Variants in ANO10 observed in about 807,000 individuals in gnomAD.
The protein encoded by ANO10 is anoctamin 10.
ANO10 carries 77 observed loss-of-function variants against 74.7 expected under a neutral mutation model. That is an observed-to-expected ratio of 1.03 (90% CI 0.86 to 1.25). The LOEUF (loss-of-function observed/expected upper bound fraction) is 1.25. Among genes scored for constraint, ANO10 ranks in the 50% most tolerant of loss-of-function variants. The pLI is 0.00. For synonymous variants in ANO10, 279 were observed against 284.9 expected (o/e 0.98, Z 0.21); for missense variants, 721 against 778.1 (o/e 0.93, Z 0.87).
chr3:43,384,323 G>A (rs1215716088), intron 12 of ANO10, among the ~76,000 whole-genome samples: 1 of 152,150 alleles, frequency 6.6e-6, no homozygotes, highest in African/African-American at 2.4e-5. Flanking sequence ...TGGATGGGTA[G>A]AATCAATATT....
intron 11 of ANO10, among the ~76,000 whole-genome samples, chr3:43,513,106 C>A (rs1344334507): frequency 1.3e-5 from 2 of 152,302 alleles, no homozygotes; most frequent in East Asian, 1.9e-4. Context: ...AGAGGTCTTA[C>A]CAGCACACGT....
At chr3:43,622,281 G>C (rs1431040313), upstream of ANO10, among the ~76,000 whole-genome samples, 1 of 152,224 alleles carries the variant, frequency 6.6e-6, no homozygotes. Context: ...GGAGGGGCGT[G>C]CCTAACGTAC....
intron 11 of ANO10, among the ~76,000 whole-genome samples, chr3:43,511,673 T>C (rs2077513382): frequency 6.6e-6 from 1 of 152,174 alleles, no homozygotes; most frequent in South Asian, 2.1e-4. Context: ...CTGGCCCTGC[T>C]ACCTAAGAGG....
At chr3:43,460,853 G>C (rs1359041208) in intron 11 of ANO10, among the ~76,000 whole-genome samples, 1 of 151,992 alleles carries the variant, frequency 6.6e-6, no homozygotes, top group Non-Finnish European at 1.5e-5. Context: ...AACAAGAGCA[G>C]ACACTCACAG....
intron 1 of ANO10, among the ~76,000 whole-genome samples, chr3:43,615,599 T>C (rs1559785165): frequency 6.6e-6 from 1 of 152,086 alleles, no homozygotes; most frequent in Admixed American, 6.5e-5. Context: ...AAATGTAAAA[T>C]ACACACTTCA....
At chr3:43,680,047 A>G (rs1348918111) in intron 1 of ANO10, among the ~76,000 whole-genome samples, 1 of 152,236 alleles carries the variant, frequency 6.6e-6, no homozygotes, top group East Asian at 1.9e-4. Context: ...CTCCAAAGGA[A>G]CACAGCTCCT....
rs1487334142 is a variant in ANO10 at position 43,441,403 on chromosome 3, TG to T, written c.1798-8677del. 2.0e-5 allele frequency among the ~76,000 whole-genome samples: 3 copies of T among 151,992 alleles called. No individual in the cohort carries two copies. In the East Asian group the frequency reaches 5.8e-4, roughly 29 times the overall value. On this transcript the variant is annotated intron_variant, in intron 11 of 12. Transcript: ENST00000292246. ...TAAGAACAATTATACACCAATAAAC[TG>T]GATAAACTAGAAATAAATGAATTCC...
intron 1 of ANO10, among the ~76,000 whole-genome samples, chr3:43,632,255 T>C (rs759664950): frequency 6.6e-6 from 1 of 152,208 alleles, no homozygotes; most frequent in Non-Finnish European, 1.5e-5. Flanking sequence ...GGCTGGCCTC[T>C]ATGGATGTGT....
At chr3:43,542,784 T>C (rs1216124612) in intron 11 of ANO10, among the ~76,000 whole-genome samples, 1 of 152,238 alleles carries the variant, frequency 6.6e-6, no homozygotes, top group Non-Finnish European at 1.5e-5. Context: ...AGTTTCATTC[T>C]GATACTAAGC....
At position 43,366,712 on chromosome 3, in the gene ANO10, A is replaced by C; in HGVS notation, c.*194T>G. 2 of 639,224 alleles carry C rather than the reference A, an allele frequency of 3.1e-6. No individual in the cohort carries two copies. Among genetic ancestry groups the C allele is most frequent in the Non-Finnish European group, 2.8e-6 (1 of 354,398 alleles). 39.6% of individuals were successfully genotyped at this position (639,224 alleles called of 1,614,324 possible). On this transcript the variant is annotated 3_prime_UTR_variant, in exon 13 of 13. Transcript: ENST00000292246. ...GAGCAGACAGGGTGGGGCTGGGGGA[A>C]CTGCCAAGGATCCCGAGCCAAGCCA...
chr3:43,625,827 G>A (rs1252496174), upstream of ANO10, among the ~76,000 whole-genome samples: 2 of 151,790 alleles, frequency 1.3e-5, no homozygotes, highest in Non-Finnish European at 2.9e-5. Flanking sequence ...TTTATTGGCC[G>A]TGAAAACTTC....
At chr3:43,488,818 G>A (rs1401093509) in intron 11 of ANO10, among the ~76,000 whole-genome samples, 1 of 152,108 alleles carries the variant, frequency 6.6e-6, no homozygotes, top group South Asian at 2.1e-4. Context: ...TCCCATTACT[G>A]GGTATATACC....
intron 1 of ANO10, among the ~76,000 whole-genome samples, chr3:43,650,176 G>A (rs2083772040): frequency 6.6e-6 from 1 of 152,290 alleles, no homozygotes; most frequent in South Asian, 2.1e-4. Flanking sequence ...TTGAGTGGTG[G>A]AGGTGGCTCT....
At chr3:43,399,868 C>T (rs1278806899) in intron 12 of ANO10, among the ~76,000 whole-genome samples, 1 of 152,112 alleles carries the variant, frequency 6.6e-6, no homozygotes, top group African/African-American at 2.4e-5. Context: ...TTGGAGATCC[C>T]TCATAGTTCC....
chr3:43,571,170 A>C (rs1353915310), intron 7 of ANO10, among the ~76,000 whole-genome samples: 1 of 150,586 alleles, frequency 6.6e-6, no homozygotes, highest in Non-Finnish European at 1.5e-5. Context: ...GCAATCATTA[A>C]AAAGTCAGGA....
At chr3:43,502,998 G>C (rs1168512540) in intron 11 of ANO10, among the ~76,000 whole-genome samples, 1 of 152,174 alleles carries the variant, frequency 6.6e-6, no homozygotes, top group Non-Finnish European at 1.5e-5. Context: ...AAGAATTATA[G>C]AGGTGGATGA....
At chr3:43,397,542 T>TTATTCCCTACTA (rs2092405064) in intron 12 of ANO10, among the ~76,000 whole-genome samples, 1 of 152,218 alleles carries the variant, frequency 6.6e-6, no homozygotes, top group African/African-American at 2.4e-5. Flanking sequence ...CCACAACTTA[T>TTATTCCCTACTA]TATTCCCTAC....
At chr3:43,549,586 G>A in intron 11 of ANO10, 134 bp downstream of exon 11, 3 of 967,448 alleles carry the variant, frequency 3.1e-6, no homozygotes, top group Non-Finnish European at 5.0e-6. Context: ...TCTATTACTT[G>A]AACTGTTTTT....
chr3:43,575,395 A>G (rs898750090), intron 6 of ANO10, among the ~76,000 whole-genome samples: 5 of 152,194 alleles, frequency 3.3e-5, no homozygotes, highest in Admixed American at 2.0e-4. Flanking sequence ...TCTTACACAT[A>G]GAGTGTTGGA....
Sources: gnomAD v4.1 joint callset for allele counts (sites outside exome capture counted in the v4.1 genomes callset) on GRCh38, gnomAD v4.1.1 for gene constraint, MANE v1.5 for transcripts, NCBI Gene and HGNC (gene_info 2026-07-23, HGNC 2026-07-21) for gene names.